ATXN1: variants seen among roughly 807,000 people sequenced by gnomAD.
The protein encoded by ATXN1 is ataxin-1.
Under a neutral mutation model 56.4 loss-of-function variants are expected in ATXN1, and 8 were observed. The observed-to-expected ratio is 0.14, with a 90% CI of 0.08 to 0.26. The LOEUF (loss-of-function observed/expected upper bound fraction) is 0.26, where lower values mean the gene tolerates loss of function less well. Among genes scored for constraint, ATXN1 ranks in the 10% least tolerant of loss-of-function variants. The pLI is 1.00. For synonymous variants in ATXN1, 514 were observed against 494.6 expected (o/e 1.04, Z -0.52); for missense variants, 987 against 1,106.5 (o/e 0.89, Z 1.53).
intron 6 of ATXN1, among the ~76,000 whole-genome samples, chr6:16,461,493 CT>C (rs1482278622): frequency 2.0e-5 from 3 of 152,198 alleles, no homozygotes; most frequent in Non-Finnish European, 4.4e-5. Flanking sequence ...CGTAAGGCCC[CT>C]TTTGGGGAAC....
intron 6 of ATXN1, among the ~76,000 whole-genome samples, chr6:16,337,938 C>G (rs887505679): frequency 6.6e-6 from 1 of 152,226 alleles, no homozygotes; most frequent in African/African-American, 2.4e-5. Context: ...CACTTTGACT[C>G]TCACTTGAAT....
At position 16,716,245 on chromosome 6, in the gene ATXN1, A is replaced by G. The variant is rs146150572; in HGVS notation, c.-615+36988T>C. On this transcript the variant is annotated intron_variant, in intron 2 of 7. Coordinates refer to ENST00000436367, the MANE Select transcript of ATXN1 (RefSeq NM_001128164.2). ...TCTTAGCCCCAGCCCCATCCCTGAA[A>G]TATGGTAGGTACTGTTTGTAAGATT... Among the ~76,000 whole-genome samples the G allele has an allele frequency of 9.8e-5, 15 of 152,298 alleles. No homozygotes were observed. The East Asian group carries it at 2.9e-3, about 29-fold the overall frequency.
At position 16,499,092 on chromosome 6, in the gene ATXN1, G is replaced by A. The variant is rs576176699; in HGVS notation, c.-298-12983C>T. 1.1e-4 allele frequency among the ~76,000 whole-genome samples: 16 copies of A among 152,200 alleles called. No individual in the cohort carries two copies. In the South Asian group the frequency reaches 3.3e-3, roughly 32 times the overall value. ...CTATTGCCAAATCCATGGTCATGAA[G>A]ATTTACTCCTGTTTTCATTTAAAAG... is the stretch of plus-strand genomic sequence containing the variant. On this transcript the variant is annotated intron_variant, in intron 5 of 7. Coordinates refer to ENST00000436367, the MANE Select transcript of ATXN1 (RefSeq NM_001128164.2).
rs1463261401 is a variant in ATXN1, at chr6:16,327,657, C to CTGT, written c.653_654insACA (p.Gln225dup). The CTGT allele has an allele frequency of 2.6e-6, 4 of 1,554,264 alleles. No homozygotes were observed. The highest frequency in any genetic ancestry group is 1.9e-5 in the Admixed American group (1 of 52,640). On this transcript the variant is annotated inframe_insertion, in exon 7 of 8. Transcript: ENST00000436367. Reference sequence around the variant, plus strand: ...GGTGCTGCTGCTGCTGCTGCTGCTGCTGCTGCTGCTGCTGCTGCTGATGCT... The same window carrying CTGT: ...GGTGCTGCTGCTGCTGCTGCTGCTGCTGTTGCTGCTGCTGCTGCTGCTGATGCT...
chr6:16,679,839 A>G (rs1758777335), intron 2 of ATXN1, among the ~76,000 whole-genome samples: 2 of 152,238 alleles, frequency 1.3e-5, no homozygotes, highest in African/African-American at 4.8e-5. Context: ...TGTAATAGTA[A>G]GCTTCTTTAA....
intron 4 of ATXN1, among the ~76,000 whole-genome samples, chr6:16,527,492 C>T (rs1019223935): frequency 3.3e-5 from 5 of 152,062 alleles, no homozygotes; most frequent in Admixed American, 2.6e-4. Context: ...AGATCAAAGG[C>T]GGAGATGCAA....
At chr6:16,538,236 C>A (rs1761642617) in intron 4 of ATXN1, among the ~76,000 whole-genome samples, 1 of 152,112 alleles carries the variant, frequency 6.6e-6, no homozygotes, top group South Asian at 2.1e-4. Flanking sequence ...GTTTAAATGA[C>A]CTTGGGCAAA....
At chr6:16,636,230 T>C (rs909788) in intron 3 of ATXN1, among the ~76,000 whole-genome samples, 74,875 of 152,020 alleles carry the variant, frequency 0.49, 19,136 homozygotes, top group Middle Eastern at 0.59. Flanking sequence ...TTCTTCTTCA[T>C]AGGGGAGGAA....
chr6:16,488,771 A>C (rs1028241575), intron 5 of ATXN1, among the ~76,000 whole-genome samples: 3 of 152,186 alleles, frequency 2.0e-5, no homozygotes, highest in African/African-American at 7.2e-5. Flanking sequence ...TCCAAGATAA[A>C]ATGTAATTTA....
At chr6:16,399,840 G>A (rs1349167928) in intron 6 of ATXN1, among the ~76,000 whole-genome samples, 1 of 152,174 alleles carries the variant, frequency 6.6e-6, no homozygotes, top group Non-Finnish European at 1.5e-5. Context: ...CAGTGCTGTT[G>A]AGATTCCCTG....
chr6:16,503,278 G>A (rs974075112), intron 5 of ATXN1, among the ~76,000 whole-genome samples: 3 of 152,168 alleles, frequency 2.0e-5, no homozygotes, highest in African/African-American at 4.8e-5. Context: ...CAGGCTACTG[G>A]AGAATGTGGT....
Position 16,709,449 on chromosome 6 carries a change from A to C in ATXN1, c.-615+43784T>G, listed in dbSNP as rs184211886. On this transcript the variant is annotated intron_variant, in intron 2 of 7. Transcript: ENST00000436367. Reference sequence around the variant, plus strand: ...AAAATCCTTGGCACAATGATGATACAACTGTTCTGTATCCTGATTGTGGTG... The same window carrying C: ...AAAATCCTTGGCACAATGATGATACCACTGTTCTGTATCCTGATTGTGGTG... 4.8e-3 allele frequency among the ~76,000 whole-genome samples: 735 copies of C among 152,306 alleles called. 5 individuals carry two copies. Among genetic ancestry groups the C allele is most frequent in the Non-Finnish European group, 7.4e-3 (505 of 68,016 alleles).
At chr6:16,722,068 C>T (rs1019104991) in intron 2 of ATXN1, among the ~76,000 whole-genome samples, 3 of 152,312 alleles carry the variant, frequency 2.0e-5, no homozygotes, top group East Asian at 3.9e-4. Context: ...TGCAAAGATT[C>T]GTTCTTCTAG....
intron 2 of ATXN1, chr6:16,750,175 T>C (rs898842452): frequency 3.9e-5 from 6 of 152,226 alleles, no homozygotes; most frequent in African/African-American, 1.4e-4. Context: ...CCCCATTCTA[T>C]TCGTATTCAT....
chr6:16,426,227 AT>A (rs1230252251), intron 6 of ATXN1, among the ~76,000 whole-genome samples: 2 of 151,982 alleles, frequency 1.3e-5, no homozygotes, highest in African/African-American at 4.8e-5. Context: ...TGATTCTGTC[AT>A]TCATTTTGAC....
At chr6:16,742,891 C>T (rs1361942766) in intron 2 of ATXN1, among the ~76,000 whole-genome samples, 2 of 152,182 alleles carry the variant, frequency 1.3e-5, no homozygotes, top group African/African-American at 4.8e-5. Context: ...ACCAACCTCA[C>T]TTAGAACTTC....
chr6:16,387,093 A>C (rs1308935610), intron 6 of ATXN1, among the ~76,000 whole-genome samples: 1 of 152,348 alleles, frequency 6.6e-6, no homozygotes, highest in East Asian at 1.9e-4. Flanking sequence ...AGTGCATGTT[A>C]GCTTGTTAAA....
chr6:16,384,794 C>T (rs951576982), intron 6 of ATXN1, among the ~76,000 whole-genome samples: 1 of 152,216 alleles, frequency 6.6e-6, no homozygotes, highest in Admixed American at 6.5e-5. Context: ...TTTCCTGAGG[C>T]CTCCCCAGCC....
intron 2 of ATXN1, among the ~76,000 whole-genome samples, chr6:16,710,804 T>C (rs1347850657): frequency 6.6e-6 from 1 of 151,948 alleles, no homozygotes; most frequent in South Asian, 2.1e-4. Flanking sequence ...CCCAGGCTGG[T>C]CTCAAACTCC....
Sources: gnomAD v4.1 joint callset for allele counts (sites outside exome capture counted in the v4.1 genomes callset) on GRCh38, gnomAD v4.1.1 for gene constraint, MANE v1.5 for transcripts, NCBI Gene and HGNC (gene_info 2026-07-23, HGNC 2026-07-21) for gene names.